The following TYR variants were observed in gnomAD, a reference collection of about 807,000 sequenced individuals.
TYR encodes LB24-AB.
In TYR, 58 loss-of-function variants were observed where a neutral mutation model predicts 51.5. The observed-to-expected ratio is 1.13, with a 90% CI of 0.91 to 1.40. The LOEUF is 1.40. Ranked by LOEUF, TYR falls within the 40% of genes most tolerant of loss-of-function variation. The probability of loss-of-function intolerance (pLI) is 0.00; values close to 1 mark genes in which losing one functional copy is unlikely to be tolerated. For missense variants in TYR, 732 were observed against 647.4 expected (o/e 1.13, Z -1.42); for synonymous variants, 263 against 235.2 (o/e 1.12, Z -1.08).
chr11:89,201,500 TA>T (rs990753673), intron 2 of TYR, among the ~76,000 whole-genome samples: 21 of 152,216 alleles, frequency 1.4e-4, no homozygotes, highest in Non-Finnish European at 2.9e-4. Context: ...AAAAGGCATG[TA>T]AAAAAAGATA....
chr11:89,251,666 A>G (rs1293648667), intron 3 of TYR, among the ~76,000 whole-genome samples: 2 of 151,906 alleles, frequency 1.3e-5, no homozygotes, highest in Non-Finnish European at 2.9e-5. Flanking sequence ...TGCTTTCCCA[A>G]GAGAAAAAGA....
chr11:89,288,314 G>C (rs1944816278), intron 4 of TYR, among the ~76,000 whole-genome samples: 1 of 151,898 alleles, frequency 6.6e-6, no homozygotes, highest in Admixed American at 6.6e-5. Flanking sequence ...AAACTACAAA[G>C]CTAGTAAGTG....
At chr11:89,276,728 G>C (rs183236075) in intron 3 of TYR, among the ~76,000 whole-genome samples, 2 of 151,698 alleles carry the variant, frequency 1.3e-5, no homozygotes, top group Non-Finnish European at 3.0e-5. Flanking sequence ...CAAGCAGAGC[G>C]TCTTCCAAGA....
At position 89,291,584 on chromosome 11, in the gene TYR, T is replaced by C. The variant is rs562221109; in HGVS notation, c.1367-3559T>C. Among the ~76,000 whole-genome samples the C allele has an allele frequency of 1.4e-3, 220 of 152,070 alleles. 1 individual carries two copies. The highest frequency in any genetic ancestry group is 2.4e-3 in the Non-Finnish European group (161 of 67,870). On this transcript the variant is annotated intron_variant, in intron 4 of 4. Coordinates refer to ENST00000263321, the MANE Select transcript of TYR (RefSeq NM_000372.5). ...TGCTGTTTTAGTCTCCTGTGTACTT[T>C]TTCTTATACTTTTTTCCACATACAC...
chr11:89,290,859 C>T (rs1340029263), intron 4 of TYR, among the ~76,000 whole-genome samples: 6 of 151,924 alleles, frequency 3.9e-5, no homozygotes, highest in Non-Finnish European at 8.8e-5. Context: ...GTATGTTCTA[C>T]ATATATATCT....
chr11:89,264,430 A>G (rs1273041743), intron 3 of TYR, among the ~76,000 whole-genome samples: 2 of 151,856 alleles, frequency 1.3e-5, no homozygotes, highest in African/African-American at 4.8e-5. Flanking sequence ...TTACATAGGT[A>G]AACTAATGTC....
intron 4 of TYR, among the ~76,000 whole-genome samples, chr11:89,286,206 A>G (rs34373463): frequency 0.035 from 5,301 of 151,922 alleles, 188 homozygotes; most frequent in African/African-American, 0.09. Context: ...TTGAGAATGA[A>G]TAAGCAGGTG....
At position 89,227,850 on chromosome 11, in the gene TYR, C is replaced by G. The variant is rs151206295; in HGVS notation, c.1064C>G (p.Ala355Gly). ...TTTGCTAGTCCACTTACTGGGATAG[C>G]GGATGCCTCTCAAAGCAGCATGCAC... ...EGFASPLTGI[A>G]DASQSSMHNA... Residue 355 changes from alanine (A) to glycine (G), a missense_variant, in exon 3 of 5, where the codon GCG becomes GGG. Coordinates refer to ENST00000263321, the MANE Select transcript of TYR (RefSeq NM_000372.5). 2.5e-6 allele frequency: 4 copies of G among 1,612,900 alleles called. No individual in the cohort carries two copies. In the Admixed American group the frequency reaches 6.7e-5, roughly 27 times the overall value.
At chr11:89,216,647 C>CAAAAAAAA (rs11411684) in intron 2 of TYR, among the ~76,000 whole-genome samples, 19 of 80,794 alleles carry the variant, frequency 2.4e-4, no homozygotes, top group African/African-American at 7.8e-4. Flanking sequence ...TTTTCCATCT[C>CAAAAAAAA]AAAAAAAAAA....
At chr11:89,237,492 A>G (rs1263748253) in intron 3 of TYR, among the ~76,000 whole-genome samples, 1 of 152,142 alleles carries the variant, frequency 6.6e-6, no homozygotes, top group Non-Finnish European at 1.5e-5. Context: ...TTTGTTGAAA[A>G]TCAATCATAA....
Position 89,236,557 on chromosome 11 carries a change from T to C in TYR, c.1184+8587T>C, listed in dbSNP as rs1217854365. On this transcript the variant is annotated intron_variant, in intron 3 of 4. Transcript: ENST00000263321. ...ACAAAGCTGATGAAGATTCTGATGA[T>C]TCAATTATCATTATACAGAAAGCTA... is the stretch of plus-strand genomic sequence containing the variant. Among the ~76,000 whole-genome samples, 4 of 152,178 alleles carry C rather than the reference T, an allele frequency of 2.6e-5. 1 individual carries two copies. The highest frequency in any genetic ancestry group is 2.0e-4 in the Admixed American group (3 of 15,270).
intron 2 of TYR, among the ~76,000 whole-genome samples, chr11:89,226,050 A>C (rs1943971356): frequency 6.6e-6 from 1 of 151,818 alleles, no homozygotes; most frequent in African/African-American, 2.4e-5. Flanking sequence ...TTTGGGACCT[A>C]CTTTAAAAAG....
intron 4 of TYR, among the ~76,000 whole-genome samples, chr11:89,286,107 TAA>T (rs1944783340): frequency 6.6e-6 from 1 of 151,824 alleles, no homozygotes. Flanking sequence ...TTATGTGCAG[TAA>T]AAGAGTCATA....
intron 3 of TYR, among the ~76,000 whole-genome samples, chr11:89,269,322 T>C (rs977371287): frequency 1.1e-4 from 16 of 151,964 alleles, no homozygotes; most frequent in Admixed American, 9.8e-4. Context: ...AGACATTTTC[T>C]AGATTCATCT....
chr11:89,199,642 G>A (rs1002856813), intron 2 of TYR, among the ~76,000 whole-genome samples: 2 of 152,098 alleles, frequency 1.3e-5, no homozygotes, highest in African/African-American at 4.8e-5. Context: ...ACATGCTCAG[G>A]TTATCATGAG....
At chr11:89,198,769 A>ATATATATATATATATAT (rs951676764) in intron 2 of TYR, among the ~76,000 whole-genome samples, 7 of 151,014 alleles carry the variant, frequency 4.6e-5, no homozygotes, top group African/African-American at 1.7e-4. Context: ...ATATATATAT[A>ATATATATATATATATAT]TTTTTATACT....
At chr11:89,243,798 A>G (rs188995529) in intron 3 of TYR, among the ~76,000 whole-genome samples, 48 of 152,256 alleles carry the variant, frequency 3.2e-4, no homozygotes, top group African/African-American at 1.2e-3. Context: ...TCTTGCATAC[A>G]ATGGAAAATT....
intron 3 of TYR, among the ~76,000 whole-genome samples, chr11:89,282,571 A>T (rs766527468): frequency 5.3e-5 from 8 of 151,776 alleles, no homozygotes; most frequent in Non-Finnish European, 1.0e-4. Flanking sequence ...TATTTTACAT[A>T]ACAAACAAGT....
At chr11:89,218,665 T>C (rs898769522) in intron 2 of TYR, among the ~76,000 whole-genome samples, 1 of 152,180 alleles carries the variant, frequency 6.6e-6, no homozygotes, top group Non-Finnish European at 1.5e-5. Context: ...ATCACTACAA[T>C]CCTACTTTTC....
Sources: allele counts gnomAD v4.1 joint callset (sites outside exome capture counted in the v4.1 genomes callset), GRCh38; gene constraint gnomAD v4.1.1; transcripts MANE v1.5; gene names NCBI Gene and HGNC (gene_info 2026-07-23, HGNC 2026-07-21).